SCML4: variants seen among roughly 807,000 people sequenced by gnomAD.
The protein encoded by SCML4 is sex comb on midleg-like protein 4.
In SCML4, 34 loss-of-function variants were observed where a neutral mutation model predicts 41.1. That is an observed-to-expected ratio of 0.83 (90% confidence interval 0.63 to 1.10). SCML4 has a LOEUF of 1.10. Ranked by LOEUF, SCML4 falls within the 50% of genes least tolerant of loss-of-function variation. The pLI is 0.00. For missense variants in SCML4, 522 were observed against 534.1 expected (o/e 0.98, Z 0.22); for synonymous variants, 214 against 220.9 (o/e 0.97, Z 0.28).
Position 107,733,988 on chromosome 6 carries a change from G to A in SCML4, c.682+10961C>T, listed in dbSNP as rs111879013. Among the ~76,000 whole-genome samples, 338 of 152,298 alleles carry A rather than the reference G, an allele frequency of 2.2e-3. 1 individual carries two copies. Among genetic ancestry groups the A allele is most frequent in the African/African-American group, 7.3e-3 (304 of 41,568 alleles). ...TCACGGAGAATCGAGGAGTGGGGGC[G>A]CCACATGAGGGACTGTTCGCCTCAT... On this transcript the variant is annotated intron_variant, in intron 5 of 7. Coordinates refer to ENST00000369020, the MANE Select transcript of SCML4 (RefSeq NM_198081.5).
intron 2 of SCML4, among the ~76,000 whole-genome samples, chr6:107,753,520 GA>G (rs1331107289): frequency 6.6e-6 from 1 of 152,168 alleles, no homozygotes; most frequent in Non-Finnish European, 1.5e-5. Flanking sequence ...AATTTCGCAA[GA>G]TGAAAATGTT....
Position 107,720,986 on chromosome 6 carries a change from T to G in SCML4, c.690A>C (p.Thr230=). ...TCACCAGGTACTCTTCGGTGGTGAC[T>G]GTCTTGACTAAGCAATAAGGCAGTA... ...KEEGRMESVK[T]VTTEEYLVNP... is the part of the protein sequence containing the mutation. Residue 230 remains threonine (T), a synonymous_variant, in exon 6 of 8, where the codon ACA becomes ACC. Transcript: ENST00000369020. 1 of 1,607,704 alleles carries G rather than the reference T, an allele frequency of 6.2e-7. No homozygotes were observed. Among genetic ancestry groups the G allele is most frequent in the Non-Finnish European group, 8.5e-7 (1 of 1,177,070 alleles).
rs10649065 is a variant in SCML4, at chr6:107,721,982, CT to C, written c.683-990del. ...CTTAAGTAAACCAGGACTTATCATA[CT>C]TTTTTTTTTTTTTTTTGAGATGGAG... On this transcript the variant is annotated intron_variant, in intron 5 of 7. Coordinates refer to ENST00000369020, the MANE Select transcript of SCML4 (RefSeq NM_198081.5). Among the ~76,000 whole-genome samples the C allele has an allele frequency of 8.2e-3, 1,121 of 135,918 alleles. 8 individuals carry two copies. The highest frequency in any genetic ancestry group is 0.025 in the African/African-American group (924 of 36,710). The allele number at this position is 135,918 out of a possible 152,430, so 89.2% of individuals were successfully genotyped here. A position where few individuals can be genotyped will look rare whatever the true frequency, so the allele number is the denominator to read the frequency against.
intron 7 of SCML4, among the ~76,000 whole-genome samples, chr6:107,707,195 G>A (rs1314134075): frequency 7.2e-6 from 1 of 139,378 alleles, no homozygotes; most frequent in Non-Finnish European, 1.6e-5. Context: ...CAGCTGCTCG[G>A]GTGGGCTGAG....
rs890266712 is a variant in SCML4, at chr6:107,772,361, C to T, written c.-34G>A. ...GTGCCAGTCTTACAGAATGAGGTGA[C>T]AAATCGCTCACAGGCAGAAGAGGTG... On this transcript the variant is annotated 5_prime_UTR_variant, in exon 2 of 8. Coordinates refer to ENST00000369020, the MANE Select transcript of SCML4 (RefSeq NM_198081.5). The T allele has an allele frequency of 2.7e-5, 42 of 1,535,938 alleles. No individual in the cohort carries two copies. The Admixed American group carries it at 2.9e-4, about 11-fold the overall frequency.
At chr6:107,837,905 CTTTTT>C in the SCML4 span, among the ~76,000 whole-genome samples, 1 of 115,314 alleles carries the variant, frequency 8.7e-6, no homozygotes, top group Admixed American at 9.6e-5. Flanking sequence ...TTATGATTTT[CTTTTT>C]TTTTTTTTTT....
At chr6:107,709,196 G>A (rs878911578) in intron 6 of SCML4, among the ~76,000 whole-genome samples, 1 of 152,118 alleles carries the variant, frequency 6.6e-6, no homozygotes. Flanking sequence ...CCAACACACT[G>A]AGTCCTCATT....
the SCML4 span, among the ~76,000 whole-genome samples, chr6:107,843,316 T>C: frequency 6.6e-6 from 1 of 152,130 alleles, no homozygotes; most frequent in Non-Finnish European, 1.5e-5. Flanking sequence ...AAAAAAGGCA[T>C]ATTATATTTT....
the SCML4 span, among the ~76,000 whole-genome samples, chr6:107,843,056 C>G: frequency 6.6e-6 from 1 of 151,900 alleles, no homozygotes; most frequent in Admixed American, 6.6e-5. Context: ...GAGACAATAT[C>G]AAATCGCCTA....
intron 1 of SCML4, among the ~76,000 whole-genome samples, chr6:107,779,483 A>G (rs1232723827): frequency 6.6e-6 from 1 of 152,142 alleles, no homozygotes; most frequent in Non-Finnish European, 1.5e-5. Flanking sequence ...AGCCAGCCCA[A>G]CTGGAAGCAG....
Position 107,703,344 on chromosome 6 carries a change from A to T in SCML4, c.*1856T>A, listed in dbSNP as rs1773327922. ...CCTTCCTGTAACAAAATCACCAGAC[A>T]TCAAGCTCTTCTACAATCTAATAAC... is the stretch of plus-strand genomic sequence containing the variant. On this transcript the variant is annotated 3_prime_UTR_variant, in exon 8 of 8. Transcript: ENST00000369020. 6.6e-6 allele frequency among the ~76,000 whole-genome samples: 1 copy of T among 152,174 alleles called. No homozygotes were observed. Among genetic ancestry groups the T allele is most frequent in the Non-Finnish European group, 1.5e-5 (1 of 68,024 alleles).
chr6:107,816,055 C>T (rs191288741), intron 1 of SCML4, among the ~76,000 whole-genome samples: 106 of 152,288 alleles, frequency 7.0e-4, no homozygotes, highest in African/African-American at 2.3e-3. Context: ...TGAAAAGACA[C>T]GGACGCCCCG....
At chr6:107,803,133 G>C (rs955495083) in intron 1 of SCML4, among the ~76,000 whole-genome samples, 1 of 148,402 alleles carries the variant, frequency 6.7e-6, no homozygotes, top group Non-Finnish European at 1.5e-5. Context: ...GCCCAGCAAA[G>C]TGCCGAGATT....
chr6:107,833,271 G>GTAC, the SCML4 span, among the ~76,000 whole-genome samples: 1 of 152,178 alleles, frequency 6.6e-6, no homozygotes, highest in Non-Finnish European at 1.5e-5. Flanking sequence ...GAAGTGCTGT[G>GTAC]TACTACTCAG....
intron 1 of SCML4, among the ~76,000 whole-genome samples, chr6:107,820,824 A>T (rs1004406242): frequency 5.9e-5 from 9 of 152,264 alleles, no homozygotes; most frequent in African/African-American, 2.2e-4. Context: ...GCAAATGCAG[A>T]AGTTTGGGGT....
chr6:107,781,564 T>G (rs1781498815), intron 1 of SCML4, among the ~76,000 whole-genome samples: 1 of 151,794 alleles, frequency 6.6e-6, no homozygotes, highest in African/African-American at 2.4e-5. Flanking sequence ...GGAGGATTGC[T>G]GGAGCCTGGA....
upstream of SCML4, among the ~76,000 whole-genome samples, chr6:107,826,337 G>A (rs1785261598): frequency 6.6e-6 from 1 of 151,980 alleles, no homozygotes; most frequent in African/African-American, 2.4e-5. Flanking sequence ...GAAAAGGAAA[G>A]AAGATGGATG....
chr6:107,726,951 A>C (rs530081566), intron 5 of SCML4, among the ~76,000 whole-genome samples: 1 of 152,254 alleles, frequency 6.6e-6, no homozygotes. Flanking sequence ...AAATCTGTAC[A>C]TGAATGTTTA....
chr6:107,713,262 T>G (rs1302706068), intron 6 of SCML4, among the ~76,000 whole-genome samples: 1 of 152,214 alleles, frequency 6.6e-6, no homozygotes, highest in Non-Finnish European at 1.5e-5. Flanking sequence ...AACAGAGTCA[T>G]GTGGAGGAGC....
Sources: allele counts gnomAD v4.1 joint callset (sites outside exome capture counted in the v4.1 genomes callset), GRCh38; gene constraint gnomAD v4.1.1; transcripts MANE v1.5; gene names NCBI Gene and HGNC (gene_info 2026-07-23, HGNC 2026-07-21).